The following DNAH17 variants were observed in gnomAD, a reference collection of about 807,000 sequenced individuals.
DNAH17 encodes axonemal beta dynein heavy chain 17.
DNAH17 carries 376 observed loss-of-function variants against 485.6 expected under a neutral mutation model. The ratio of observed to expected loss-of-function variants is 0.77; its 90% CI spans 0.71 to 0.84. The LOEUF is 0.84. Ranked by LOEUF, DNAH17 falls within the 40% of genes least tolerant of loss-of-function variation. The pLI is 0.00. For synonymous variants in DNAH17, 3,031 were observed against 2,405.9 expected (o/e 1.26, Z -7.60); for missense variants, 6,370 against 5,839.3 (o/e 1.09, Z -2.96).
intron 7 of DNAH17, among the ~76,000 whole-genome samples, 188 bp downstream of exon 7, chr17:78,570,059 T>C (rs2092329168): frequency 6.6e-6 from 1 of 152,116 alleles, no homozygotes; most frequent in Non-Finnish European, 1.5e-5. Context: ...CTCAGTACCC[T>C]CCCCTAGAAG....
chr17:78,570,856 CAAAAAAAA>C (rs60897530), intron 6 of DNAH17, 84 bp downstream of exon 6: 43 of 288,332 alleles, frequency 1.5e-4, no homozygotes, highest in Non-Finnish European at 1.8e-4. Flanking sequence ...GACTCCCTCT[CAAAAAAAA>C]AAAAAAAAAA....
chr17:78,459,322 G>A (rs1431877080), intron 60 of DNAH17, 114 bp from the exon 61 acceptor site: 3 of 1,006,618 alleles, frequency 3.0e-6, no homozygotes, highest in Non-Finnish European at 4.6e-6. Context: ...GGCAGCGCTG[G>A]GATTCACACA....
At chr17:78,460,393 T>A in intron 58 of DNAH17, 136 bp from the exon 59 acceptor site, 1 of 579,526 alleles carries the variant, frequency 1.7e-6, no homozygotes, top group Non-Finnish European at 2.9e-6. Flanking sequence ...TGCATATATG[T>A]GCATGAGTGT....
rs1328754695 is a variant in DNAH17 at position 78,514,988 on chromosome 17, T to C, written c.3899A>G (p.Lys1300Arg). The part of the protein sequence containing the change: ...NTSIEDWKTT[K>R]WKDINVEQMD... ...CTGCTCAACGTTGATATCTTTCCAC[T>C]TGGTGGTCTTCCAGTCCTCGATGCT... The change falls in exon 26 of 81, where the codon AAG becomes AGG. Residue 1300 changes from lysine (K) to arginine (R), a missense_variant. Lys to Arg is a conservative substitution (Grantham distance 26). Coordinates refer to ENST00000389840, the MANE Select transcript of DNAH17 (RefSeq NM_173628.4). The C allele has an allele frequency of 6.2e-7, 1 of 1,614,026 alleles. No individual in the cohort carries two copies. Among genetic ancestry groups the C allele is most frequent in the Non-Finnish European group, 8.5e-7 (1 of 1,179,900 alleles).
intron 55 of DNAH17, 94 bp from the exon 56 acceptor site, chr17:78,466,910 C>A: frequency 7.3e-7 from 1 of 1,372,670 alleles, no homozygotes; most frequent in South Asian, 1.6e-5. Flanking sequence ...GAAAGCAACG[C>A]GCCCTGCCGG....
chr17:78,537,431 C>T lies in DNAH17; in HGVS notation c.2727G>A (p.Gly909=). The T allele has an allele frequency of 5.6e-6, 9 of 1,613,444 alleles. No individual in the cohort carries two copies. The highest frequency in any genetic ancestry group is 6.8e-6 in the Non-Finnish European group (8 of 1,179,862). Residue 909 remains glycine, a synonymous_variant, in exon 19 of 81, where the codon GGG becomes GGA. Transcript: ENST00000389840. ...CCTCCAGGGTCGGGTTGAAGGTCAG[C>T]CCATCCTCGTCCAGCTCCATGCGGA... The part of the protein sequence containing the change: ...FEIRMELDED[G]LTFNPTLEVG...
chr17:78,501,788 A>C lies in DNAH17; in HGVS notation c.5276T>G (p.Ile1759Ser). ...DRMKIMTICT[I>S]DVHARDVVAK... Reference sequence around the variant, plus strand: ...CACCACGTCCCGTGCGTGCACATCGATGGTGCAGATGGTCATGATCTTCAT... The same window carrying C: ...CACCACGTCCCGTGCGTGCACATCGCTGGTGCAGATGGTCATGATCTTCAT... The change falls in exon 34 of 81, where the codon ATC (isoleucine) becomes AGC (serine). Residue 1759 changes from isoleucine to serine, a missense_variant. By Grantham distance (142) the Ile-to-Ser change is moderately radical. Coordinates refer to ENST00000389840, the MANE Select transcript of DNAH17 (RefSeq NM_173628.4). 6.2e-7 allele frequency: 1 copy of C among 1,613,868 alleles called. No individual in the cohort carries two copies. Among genetic ancestry groups the C allele is most frequent in the Non-Finnish European group, 8.5e-7 (1 of 1,179,880 alleles).
intron 16 of DNAH17, among the ~76,000 whole-genome samples, chr17:78,549,676 C>G (rs1488791691): frequency 6.6e-6 from 1 of 152,196 alleles, no homozygotes; most frequent in Non-Finnish European, 1.5e-5. Flanking sequence ...GTCTCAGAGA[C>G]AGAGAGAAAG....
At chr17:78,471,054 C>T (rs149536413) in intron 54 of DNAH17, among the ~76,000 whole-genome samples, 226 of 152,238 alleles carry the variant, frequency 1.5e-3, no homozygotes, top group Non-Finnish European at 2.5e-3. Flanking sequence ...GTATTTCCAG[C>T]GTTTTGGCGA....
chr17:78,423,911 C>A lies in DNAH17; in HGVS notation c.13384G>T (p.Val4462Phe). Residue 4462 changes from valine to phenylalanine, a missense_variant, in exon 81 of 81, where the codon GTT (valine) becomes TTT (phenylalanine). Transcript: ENST00000389840. Reference protein sequence around the residue: ...ILAAVALLLQV With the variant: ...ILAAVALLLQF Reference sequence around the variant, plus strand: ...GGCTGTGAGGCAGGAGCGAGCTAAACCTGTAGGAGCAGCGCCACGGCTGCC... The same window carrying A: ...GGCTGTGAGGCAGGAGCGAGCTAAAACTGTAGGAGCAGCGCCACGGCTGCC... 2 of 1,613,976 alleles carry A rather than the reference C, an allele frequency of 1.2e-6. No individual in the cohort carries two copies. The highest frequency in any genetic ancestry group is 1.1e-5 in the South Asian group (1 of 91,066).
chr17:78,478,787 T>A (rs1268253121), intron 51 of DNAH17: 1 of 492,206 alleles, frequency 2.0e-6, no homozygotes, highest in East Asian at 3.4e-5. Context: ...ATCACTATCA[T>A]CATAACCATC....
At chr17:78,442,445 A>G (rs2087111712) in intron 71 of DNAH17, among the ~76,000 whole-genome samples, 1 of 152,170 alleles carries the variant, frequency 6.6e-6, no homozygotes, top group African/African-American at 2.4e-5. Context: ...GAAGGCCCCC[A>G]ATTCTTTTTG....
At chr17:78,514,165 T>C (rs1424270587) in intron 26 of DNAH17, among the ~76,000 whole-genome samples, 5 of 152,146 alleles carry the variant, frequency 3.3e-5, no homozygotes, top group African/African-American at 1.2e-4. Context: ...GCCTACCTAA[T>C]TTGCAGAGCC....
chr17:78,514,337 T>C (rs991340722), intron 26 of DNAH17, among the ~76,000 whole-genome samples: 10 of 152,068 alleles, frequency 6.6e-5, no homozygotes, highest in Non-Finnish European at 1.3e-4. Context: ...AAACCCCGTC[T>C]GTACTAAAAA....
At chr17:78,443,944 C>G (rs1031843633) in intron 71 of DNAH17, among the ~76,000 whole-genome samples, 2 of 152,196 alleles carry the variant, frequency 1.3e-5, no homozygotes, top group African/African-American at 4.8e-5. Flanking sequence ...GCCACAGGTG[C>G]TCTGAGGACA....
At chr17:78,429,860 C>T in intron 75 of DNAH17, among the ~76,000 whole-genome samples, 1 of 152,190 alleles carries the variant, frequency 6.6e-6, no homozygotes. Context: ...GAAGTAGAGT[C>T]CTTCCTGGTT....
intron 55 of DNAH17, among the ~76,000 whole-genome samples, chr17:78,467,029 G>T (rs1378443072): frequency 3.9e-5 from 6 of 152,236 alleles, no homozygotes; most frequent in Non-Finnish European, 8.8e-5. Context: ...CTCGCTAGCA[G>T]TCCCAATCCC....
intron 19 of DNAH17, among the ~76,000 whole-genome samples, chr17:78,535,702 T>C (rs2091356854): frequency 6.6e-6 from 1 of 152,084 alleles, no homozygotes; most frequent in African/African-American, 2.4e-5. Context: ...CCCTCCTTCC[T>C]CCCTTCCTGG....
chr17:78,497,721 C>T (rs1050929860), intron 37 of DNAH17, among the ~76,000 whole-genome samples: 17 of 152,186 alleles, frequency 1.1e-4, no homozygotes, highest in African/African-American at 3.6e-4. Flanking sequence ...GAGGAAGCAG[C>T]CACCCCAGGC....
Sources: allele counts gnomAD v4.1 joint callset (sites outside exome capture counted in the v4.1 genomes callset), GRCh38; gene constraint gnomAD v4.1.1; transcripts MANE v1.5; gene names NCBI Gene and HGNC (gene_info 2026-07-23, HGNC 2026-07-21).